The following ITSN2 variants were observed in gnomAD, a reference collection of about 807,000 sequenced individuals.
ITSN2 encodes intersectin 2, also known as intersectin-2.
Under a neutral mutation model 243.7 loss-of-function variants are expected in ITSN2, and 156 were observed. The observed-to-expected ratio is 0.64, with a 90% confidence interval of 0.56 to 0.73. The LOEUF (loss-of-function observed/expected upper bound fraction) is 0.73, where lower values mean the gene tolerates loss of function less well. Ranked by LOEUF, ITSN2 falls within the 30% of genes least tolerant of loss-of-function variation. The probability of loss-of-function intolerance (pLI) is 0.00; values close to 1 mark genes in which losing one functional copy is unlikely to be tolerated. For synonymous variants in ITSN2, 703 were observed against 699.9 expected (o/e 1.00, Z -0.07); for missense variants, 1,801 against 1,996.1 (o/e 0.90, Z 1.86).
chr2:24,203,899 T>C, intron 39 of ITSN2, 116 bp from the exon 40 acceptor site: 6 of 1,131,786 alleles, frequency 5.3e-6, no homozygotes, highest in Non-Finnish European at 7.5e-6. Flanking sequence ...GGAACTTCTT[T>C]TGGCTCATGG....
rs185156596 is a variant in ITSN2 at position 24,357,393 on chromosome 2, C to T, written c.-34+2911G>A. On this transcript the variant is annotated intron_variant, in intron 1 of 39. Coordinates refer to ENST00000355123, the MANE Select transcript of ITSN2 (RefSeq NM_006277.3). The stretch of plus-strand genomic sequence containing the variant: ...ACACAGGAACAGAAAATCAAACACC[C>T]TATGTTCTCACTCATAAGTGGGAGT... Among the ~76,000 whole-genome samples, 11 of 152,224 alleles carry T rather than the reference C, an allele frequency of 7.2e-5. No individual in the cohort carries two copies. The East Asian group carries it at 9.6e-4, about 13-fold the overall frequency.
intron 5 of ITSN2, among the ~76,000 whole-genome samples, chr2:24,311,107 TCACA>T (rs1683212489): frequency 6.6e-6 from 1 of 151,880 alleles, no homozygotes; most frequent in Non-Finnish European, 1.5e-5. Context: ...TCTCTCTCTC[TCACA>T]TACTCCCCCC....
chr2:24,337,315 AATATATATATATATATATATATATATAT>A, intron 1 of ITSN2, among the ~76,000 whole-genome samples: 1 of 32,020 alleles, frequency 3.1e-5, no homozygotes, highest in African/African-American at 1.1e-4. Context: ...GTATACACAA[AATATATATATATATATATATATATATAT>A]ATATATATAT....
intron 1 of ITSN2, among the ~76,000 whole-genome samples, chr2:24,345,619 A>T (rs933615350): frequency 6.6e-6 from 1 of 152,182 alleles, no homozygotes; most frequent in Non-Finnish European, 1.5e-5. Context: ...ACATACAAAT[A>T]AAGCCAATTC....
intron 4 of ITSN2, among the ~76,000 whole-genome samples, chr2:24,313,106 G>GAGAC (rs1683462992): frequency 8.7e-6 from 1 of 114,968 alleles, no homozygotes; most frequent in African/African-American, 3.2e-5. Flanking sequence ...TTTTTCTAAA[G>GAGAC]AGAGTCTCAT....
chr2:24,220,787 T>C (rs1670369827), intron 30 of ITSN2, 158 bp downstream of exon 30: 2 of 1,427,572 alleles, frequency 1.4e-6, no homozygotes, highest in Non-Finnish European at 9.1e-7. Flanking sequence ...AGACAGCATT[T>C]GGAGGATGTG....
At chr2:24,334,648 T>C (rs1473617899) in intron 1 of ITSN2, 9 of 1,362,802 alleles carry the variant, frequency 6.6e-6, no homozygotes, top group Non-Finnish European at 8.3e-6. Flanking sequence ...GGAAGCAGAG[T>C]GGTTATGGTG....
At chr2:24,300,535 C>T (rs147020053) in intron 11 of ITSN2, among the ~76,000 whole-genome samples, 10,546 of 152,046 alleles carry the variant, frequency 0.069, 392 homozygotes, top group Middle Eastern at 0.11. Context: ...CTGGCCAACA[C>T]GGTGAAACCC....
intron 24 of ITSN2, 78 bp downstream of exon 24, chr2:24,254,289 C>T: frequency 1.1e-6 from 1 of 946,250 alleles, no homozygotes; most frequent in Non-Finnish European, 1.7e-6. Context: ...ATGTGAAGAA[C>T]AGCAACTATG....
At chr2:24,205,507 C>T in intron 37 of ITSN2, 1 of 512,704 alleles carries the variant, frequency 2.0e-6, no homozygotes, top group Non-Finnish European at 3.6e-6. Flanking sequence ...CCTGCTTTCT[C>T]TGCCCGTCAG....
At position 24,295,762 on chromosome 2, in the gene ITSN2, G is replaced by C. The variant is rs755593710; in HGVS notation, c.1537C>G (p.Arg513Gly). The change falls in exon 14 of 40, where the codon CGA becomes GGA. Residue 513 changes from arginine to glycine, a missense_variant. Around this residue, in one of 5 missense-constraint regions of ITSN2, gnomAD observed 787 missense variants for 803.9 expected, o/e 0.98. Coordinates refer to ENST00000355123, the MANE Select transcript of ITSN2 (RefSeq NM_006277.3). ...GTCTTTTGAGTTTGCTTTTTGAGTC[G>C]GACATCCTGAAGTCTGCCTGAGATC... is the stretch of plus-strand genomic sequence containing the variant. The part of the protein sequence containing the change: ...QQISGRLQDV[R>G]LKKQTQKTEL... 1.3e-6 allele frequency: 2 copies of C among 1,563,562 alleles called. No individual in the cohort carries two copies. The highest frequency in any genetic ancestry group is 3.9e-5 in the Admixed American group (2 of 50,686).
At chr2:24,290,912 CT>C (rs147896879) in intron 15 of ITSN2, among the ~76,000 whole-genome samples, 29,162 of 152,146 alleles carry the variant, frequency 0.19, 3,235 homozygotes, top group Non-Finnish European at 0.26. Flanking sequence ...CTCCTCCCCC[CT>C]ACCAAAGTTT....
intron 18 of ITSN2, among the ~76,000 whole-genome samples, chr2:24,274,771 T>G (rs1406638234): frequency 1.3e-5 from 2 of 152,220 alleles, no homozygotes. Context: ...GTAATGTGTC[T>G]TCCTTGCCTC....
At chr2:24,264,137 A>T (rs1303988179) in intron 20 of ITSN2, among the ~76,000 whole-genome samples, 3 of 152,176 alleles carry the variant, frequency 2.0e-5, no homozygotes, top group Non-Finnish European at 4.4e-5. Flanking sequence ...CATGCCTGTA[A>T]TCTCAGCACT....
chr2:24,294,990 T>C (rs1680752570), intron 14 of ITSN2, among the ~76,000 whole-genome samples: 1 of 152,226 alleles, frequency 6.6e-6, no homozygotes, highest in South Asian at 2.1e-4. Context: ...TGCTAACACC[T>C]TGATCTTGGA....
At chr2:24,259,788 G>A (rs1675566085) in intron 22 of ITSN2, among the ~76,000 whole-genome samples, 1 of 152,156 alleles carries the variant, frequency 6.6e-6, no homozygotes, top group Non-Finnish European at 1.5e-5. Context: ...CACCAATTGA[G>A]TAAGATGATC....
intron 29 of ITSN2, among the ~76,000 whole-genome samples, chr2:24,236,673 C>CA (rs1672191837): frequency 7.3e-6 from 1 of 137,822 alleles, no homozygotes; most frequent in African/African-American, 2.7e-5. Flanking sequence ...GTTTTTTTTT[C>CA]TTTTTTTTTT....
intron 1 of ITSN2, among the ~76,000 whole-genome samples, chr2:24,350,102 G>C (rs1687895218): frequency 6.6e-6 from 1 of 152,162 alleles, no homozygotes; most frequent in African/African-American, 2.4e-5. Context: ...TAGTAACTCA[G>C]ATTATTGGTA....
At chr2:24,348,016 CAGTG>C in intron 1 of ITSN2, among the ~76,000 whole-genome samples, 1 of 151,970 alleles carries the variant, frequency 6.6e-6, no homozygotes, top group East Asian at 1.9e-4. Flanking sequence ...TTCGAGATTA[CAGTG>C]AGCTATGAAC....
Sources: allele counts gnomAD v4.1 joint callset (sites outside exome capture counted in the v4.1 genomes callset), GRCh38; gene constraint gnomAD v4.1.1; regional missense constraint gnomAD v4.1.1; transcripts MANE v1.5; gene names NCBI Gene and HGNC (gene_info 2026-07-23, HGNC 2026-07-21).